Variants in CCSER1 observed in about 807,000 individuals in gnomAD.
CCSER1 encodes the protein serine-rich coiled-coil domain-containing protein 1.
A neutral mutation model predicts 82.0 loss-of-function variants in CCSER1; 41 were observed. The observed-to-expected ratio is 0.50, with a 90% CI of 0.39 to 0.65. The LOEUF (loss-of-function observed/expected upper bound fraction) is 0.65. Ranked by LOEUF, CCSER1 falls within the 30% of genes least tolerant of loss-of-function variation. The pLI, the probability that CCSER1 is intolerant of heterozygous loss-of-function variation, is 0.00. For synonymous variants in CCSER1, 414 were observed against 383.9 expected (o/e 1.08, Z -0.92); for missense variants, 1,119 against 1,064.2 (o/e 1.05, Z -0.72).
chr4:90,845,610 T>C (rs1380194927), intron 8 of CCSER1, among the ~76,000 whole-genome samples: 1 of 152,156 alleles, frequency 6.6e-6, no homozygotes, highest in Admixed American at 6.5e-5. Context: ...GTAGAGTAGT[T>C]ATCAGAATCA....
rs527987101 is a variant in CCSER1 at position 90,406,896 on chromosome 4, C to G, written c.1603+6767C>G. 4.6e-4 allele frequency among the ~76,000 whole-genome samples: 70 copies of G among 152,126 alleles called. No homozygotes were observed. The South Asian group carries it at 6.7e-3, about 14-fold the overall frequency. ...AGTTCATAGAATTAAATGCCTACAT[C>G]AAAAATTCTGAAATAGCACAAATGG... is the stretch of plus-strand genomic sequence containing the variant. On this transcript the variant is annotated intron_variant, in intron 4 of 10. Transcript: ENST00000509176.
intron 1 of CCSER1, among the ~76,000 whole-genome samples, chr4:90,222,606 C>A (rs894263725): frequency 9.2e-5 from 14 of 152,138 alleles, no homozygotes; most frequent in Admixed American, 5.9e-4. Context: ...TTTCTGTTAT[C>A]TAAATTTCAA....
intron 7 of CCSER1, among the ~76,000 whole-genome samples, chr4:90,784,332 TATA>T (rs1306579733): frequency 6.6e-6 from 1 of 152,256 alleles, no homozygotes; most frequent in East Asian, 1.9e-4. Flanking sequence ...ACACTGTGAT[TATA>T]ATAACAAATA....
intron 3 of CCSER1, among the ~76,000 whole-genome samples, chr4:90,333,133 T>C (rs915308750): frequency 2.0e-5 from 3 of 152,314 alleles, no homozygotes; most frequent in East Asian, 1.9e-4. Flanking sequence ...TAGTGGATCA[T>C]GTCAGGGGGT....
chr4:90,595,675 G>A (rs928160770), intron 5 of CCSER1, among the ~76,000 whole-genome samples: 4 of 151,912 alleles, frequency 2.6e-5, no homozygotes, highest in African/African-American at 9.7e-5. Context: ...ATATTATGTA[G>A]TGAGAGACTT....
At chr4:91,087,354 G>C (rs1723490399) in intron 10 of CCSER1, among the ~76,000 whole-genome samples, 1 of 151,966 alleles carries the variant, frequency 6.6e-6, no homozygotes, top group African/African-American at 2.4e-5. Flanking sequence ...GCCAAATTCT[G>C]CATTTGTTTT....
At chr4:90,393,559 A>T (rs112882643) in intron 3 of CCSER1, among the ~76,000 whole-genome samples, 3,562 of 152,240 alleles carry the variant, frequency 0.023, 124 homozygotes, top group African/African-American at 0.08. Context: ...AAAACCACTG[A>T]AGTCCAAAGC....
At chr4:90,250,688 A>G (rs371153522) in intron 1 of CCSER1, among the ~76,000 whole-genome samples, 8 of 152,044 alleles carry the variant, frequency 5.3e-5, no homozygotes, top group African/African-American at 1.9e-4. Context: ...TGTTTTGGCT[A>G]TTGTGGCTTC....
chr4:90,755,937 A>G (rs769508907), intron 7 of CCSER1, among the ~76,000 whole-genome samples: 1 of 152,188 alleles, frequency 6.6e-6, no homozygotes, highest in Non-Finnish European at 1.5e-5. Flanking sequence ...TTTAAAATGC[A>G]TAAGAAGGCC....
chr4:90,476,971 A>G (rs1000792980), intron 5 of CCSER1, among the ~76,000 whole-genome samples: 1 of 152,226 alleles, frequency 6.6e-6, no homozygotes, highest in Non-Finnish European at 1.5e-5. Context: ...ATAGAGTACT[A>G]TAAATACAGA....
intron 10 of CCSER1, among the ~76,000 whole-genome samples, chr4:91,591,059 T>C (rs994360444): frequency 2.0e-5 from 3 of 152,096 alleles, no homozygotes; most frequent in African/African-American, 7.2e-5. Flanking sequence ...CATTTGGCAA[T>C]GTATGGAGAC....
Position 90,395,631 on chromosome 4 carries a change from A to G in CCSER1, c.1510-4405A>G, listed in dbSNP as rs139115241. On this transcript the variant is annotated intron_variant, in intron 3 of 10. Coordinates refer to ENST00000509176, the MANE Select transcript of CCSER1 (RefSeq NM_001145065.2). ...CATAATGTTGGAGTTTGCTTTTACA[A>G]TTAAACTCTACTTGCTATGTGCTCT... is the stretch of plus-strand genomic sequence containing the variant. Among the ~76,000 whole-genome samples, 1,420 of 151,136 alleles carry G rather than the reference A, an allele frequency of 9.4e-3. 14 individuals are homozygous for G. Among genetic ancestry groups the G allele is most frequent in the South Asian group, 0.031 (146 of 4,782 alleles).
intron 4 of CCSER1, among the ~76,000 whole-genome samples, chr4:90,455,455 G>T (rs116091621): frequency 0.016 from 2,483 of 152,174 alleles, 66 homozygotes; most frequent in African/African-American, 0.057. Flanking sequence ...GGGTCAAAGG[G>T]GTCTCAGTGA....
At chr4:91,082,060 A>G (rs1406404509) in intron 9 of CCSER1, among the ~76,000 whole-genome samples, 1 of 152,186 alleles carries the variant, frequency 6.6e-6, no homozygotes, top group Non-Finnish European at 1.5e-5. Flanking sequence ...GTGGAAAAAA[A>G]CTACTTTAAA....
intron 10 of CCSER1, among the ~76,000 whole-genome samples, chr4:91,556,072 C>T (rs1482031617): frequency 6.6e-6 from 1 of 151,134 alleles, no homozygotes; most frequent in Non-Finnish European, 1.5e-5. Context: ...ATGAAACGTG[C>T]CTTAGCACAT....
chr4:91,483,271 G>C (rs1255350713), intron 10 of CCSER1, among the ~76,000 whole-genome samples: 1 of 152,060 alleles, frequency 6.6e-6, no homozygotes, highest in East Asian at 1.9e-4. Flanking sequence ...AGCCAAAAGG[G>C]TAAGAATTTG....
intron 10 of CCSER1, among the ~76,000 whole-genome samples, chr4:91,490,084 G>A (rs1188875293): frequency 6.6e-6 from 1 of 152,124 alleles, no homozygotes; most frequent in Non-Finnish European, 1.5e-5. Context: ...CAAAAGACAG[G>A]CAATAATGAA....
intron 5 of CCSER1, among the ~76,000 whole-genome samples, chr4:90,558,036 G>T (rs1324375387): frequency 6.6e-6 from 1 of 152,092 alleles, no homozygotes; most frequent in Non-Finnish European, 1.5e-5. Flanking sequence ...AGATAAAATT[G>T]CTGTTAGGTA....
chr4:91,556,059 T>A (rs1289434239), intron 10 of CCSER1, among the ~76,000 whole-genome samples: 1 of 151,326 alleles, frequency 6.6e-6, no homozygotes, highest in Admixed American at 6.6e-5. Context: ...ATGAGTTAAG[T>A]AAATGAAACG....
Sources: gnomAD v4.1 joint callset for allele counts (sites outside exome capture counted in the v4.1 genomes callset) on GRCh38, gnomAD v4.1.1 for gene constraint, MANE v1.5 for transcripts, NCBI Gene and HGNC (gene_info 2026-07-23, HGNC 2026-07-21) for gene names.